The following TRPS1 variants were observed in gnomAD, a reference collection of about 807,000 sequenced individuals.
The protein encoded by TRPS1 is zinc finger transcription factor Trps1.
Under a neutral mutation model 101.2 loss-of-function variants are expected in TRPS1, and 6 were observed. The observed-to-expected ratio is 0.06, with a 90% CI of 0.03 to 0.12. TRPS1 has a LOEUF of 0.12. Ranked by LOEUF, TRPS1 falls within the 10% of genes least tolerant of loss-of-function variation. The pLI, the probability that TRPS1 is intolerant of heterozygous loss-of-function variation, is 1.00. For missense variants in TRPS1, 1,363 were observed against 1,567.0 expected (o/e 0.87, Z 2.20); for synonymous variants, 578 against 589.8 (o/e 0.98, Z 0.29).
chr8:115,468,961 TA>T (rs1814395523), intron 5 of TRPS1, among the ~76,000 whole-genome samples: 1 of 151,892 alleles, frequency 6.6e-6, no homozygotes, highest in Admixed American at 6.6e-5. Context: ...GCAACATAGA[TA>T]AACCCCTGTC....
At chr8:115,641,210 T>C (rs1034343094) in intron 1 of TRPS1, among the ~76,000 whole-genome samples, 12 of 152,242 alleles carry the variant, frequency 7.9e-5, no homozygotes, top group Admixed American at 7.2e-4. Flanking sequence ...TGGGAATTGC[T>C]CTTTTCCTGC....
intron 1 of TRPS1, among the ~76,000 whole-genome samples, chr8:115,633,965 T>C (rs1469608749): frequency 6.6e-6 from 1 of 152,160 alleles, no homozygotes; most frequent in Non-Finnish European, 1.5e-5. Flanking sequence ...GACTTTGGCT[T>C]CTAGTATCAA....
rs1443046747 is a variant in TRPS1 at position 115,587,143 on chromosome 8, C to G, written c.2558G>C (p.Arg853Pro). Residue 853 changes from arginine to proline, a missense_variant, in exon 5 of 7, where the codon CGA becomes CCA. By Grantham distance (103) the Arg-to-Pro change is moderately radical. This residue lies in a region of TRPS1 where 1,020 missense variants were observed against 1,073.0 expected (regional missense o/e 0.95). Coordinates refer to ENST00000395715, the MANE Select transcript of TRPS1 (RefSeq NM_014112.5). ...SPNVEAAHLA[R>P]PIYGLAVETK... ...TTCCACAGCCAAGCCATAAATAGGT[C>G]GCGCCAGATGGGCGGCCTCCACATT... is the stretch of plus-strand genomic sequence containing the variant. The G allele has an allele frequency of 1.9e-6, 3 of 1,613,994 alleles. No individual in the cohort carries two copies. Among genetic ancestry groups the G allele is most frequent in the Admixed American group, 3.3e-5 (2 of 60,000 alleles).
rs1047205843 is a variant in TRPS1, at chr8:115,418,237, C to T, written c.2823+93G>A. On this transcript the variant is annotated intron_variant, in intron 6 of 6. Coordinates refer to ENST00000395715, the MANE Select transcript of TRPS1 (RefSeq NM_014112.5). This position sits in a 1 kb window ranked among gnomAD's most constrained non-coding sequence, Gnocchi z 4.3. The stretch of plus-strand genomic sequence containing the variant: ...ATTAAAACAACCCTGCGGGGGCAGG[C>T]ACTGCAAGCCAGGGAATGGGACTTA... The T allele has an allele frequency of 2.5e-6, 4 of 1,606,616 alleles. No homozygotes were observed. In the African/African-American group the frequency reaches 4.0e-5, roughly 16 times the overall value.
chr8:115,597,001 C>T (rs1408838908), intron 4 of TRPS1, among the ~76,000 whole-genome samples: 1 of 151,874 alleles, frequency 6.6e-6, no homozygotes, highest in Non-Finnish European at 1.5e-5. Flanking sequence ...AAACATTCCA[C>T]TGCTTGAAAA....
intron 5 of TRPS1, among the ~76,000 whole-genome samples, chr8:115,440,184 A>G (rs1163083641): frequency 3.3e-5 from 5 of 152,332 alleles, no homozygotes; most frequent in Admixed American, 2.6e-4. Context: ...CGATTTCTTA[A>G]ATTTTTACGT....
intron 5 of TRPS1, among the ~76,000 whole-genome samples, chr8:115,582,981 C>T (rs2130432474): frequency 6.6e-6 from 1 of 152,160 alleles, no homozygotes; most frequent in Middle Eastern, 3.4e-3. Context: ...ATGAGCTCCC[C>T]CTAAAGACTC....
chr8:115,522,168 G>T (rs1184146220), intron 5 of TRPS1, among the ~76,000 whole-genome samples: 1 of 151,926 alleles, frequency 6.6e-6, no homozygotes, highest in African/African-American at 2.4e-5. Flanking sequence ...TCACCAACCT[G>T]TTAGAATTAT....
At chr8:115,425,100 C>A (rs1813156071) in intron 5 of TRPS1, among the ~76,000 whole-genome samples, 1 of 152,298 alleles carries the variant, frequency 6.6e-6, no homozygotes, top group Non-Finnish European at 1.5e-5. Flanking sequence ...TAGCCAGACT[C>A]TTACCAGGAG....
intron 5 of TRPS1, among the ~76,000 whole-genome samples, chr8:115,543,214 C>T (rs1331973007): frequency 6.6e-6 from 1 of 152,148 alleles, no homozygotes; most frequent in Non-Finnish European, 1.5e-5. Flanking sequence ...GGGAAGCAGG[C>T]ATGGTCTTAT....
At chr8:115,517,782 A>G (rs887880558) in intron 5 of TRPS1, among the ~76,000 whole-genome samples, 3 of 151,746 alleles carry the variant, frequency 2.0e-5, no homozygotes, top group Non-Finnish European at 3.0e-5. Flanking sequence ...CATCAATCTC[A>G]AACCTTTGTC....
chr8:115,462,401 G>A (rs1177083187), intron 5 of TRPS1, among the ~76,000 whole-genome samples: 1 of 152,110 alleles, frequency 6.6e-6, no homozygotes, highest in Non-Finnish European at 1.5e-5. Context: ...TTGTGACCCT[G>A]GGCAATCCAG....
At chr8:115,537,338 T>C (rs534688696) in intron 5 of TRPS1, among the ~76,000 whole-genome samples, 1 of 152,320 alleles carries the variant, frequency 6.6e-6, no homozygotes, top group Non-Finnish European at 1.5e-5. Flanking sequence ...AAATTATACA[T>C]GTAAATGTTT....
Position 115,561,472 on chromosome 8 carries a change from T to G in TRPS1, c.2700+25529A>C, listed in dbSNP as rs1816943969. ...TCTCTCAACTTCCTTAATCTTGTGT[T>G]TTTTTTTTTCTCTTAATTAGTTTGG... On this transcript the variant is annotated intron_variant, in intron 5 of 6. Transcript: ENST00000395715. Among the ~76,000 whole-genome samples, 3 of 140,702 alleles carry G rather than the reference T, an allele frequency of 2.1e-5. No individual in the cohort carries two copies. The South Asian group carries it at 6.3e-4, about 30-fold the overall frequency. 92.3% of individuals were successfully genotyped at this position (140,702 alleles called of 152,430 possible). A position where few individuals can be genotyped will look rare whatever the true frequency, so the allele number is the denominator to read the frequency against.
intron 5 of TRPS1, among the ~76,000 whole-genome samples, chr8:115,475,965 A>T (rs1466329660): frequency 1.3e-5 from 2 of 152,058 alleles, no homozygotes; most frequent in African/African-American, 4.8e-5. Context: ...CAAATATACA[A>T]CATGCTTTAC....
At chr8:115,434,405 T>A (rs1410152351) in intron 5 of TRPS1, among the ~76,000 whole-genome samples, 1 of 152,182 alleles carries the variant, frequency 6.6e-6, no homozygotes, top group African/African-American at 2.4e-5. Context: ...TGTAACATAA[T>A]CCCTGAATAT....
chr8:115,436,280 T>G (rs1355234586), intron 5 of TRPS1, among the ~76,000 whole-genome samples: 1 of 152,062 alleles, frequency 6.6e-6, no homozygotes, highest in Non-Finnish European at 1.5e-5. Context: ...TTTTTCTTCC[T>G]CTGGAGTATG....
At chr8:115,501,583 G>A (rs1373234160) in intron 5 of TRPS1, among the ~76,000 whole-genome samples, 6 of 152,160 alleles carry the variant, frequency 3.9e-5, no homozygotes, top group Admixed American at 1.3e-4. Flanking sequence ...AATATGTGAA[G>A]TTCAAAGTGC....
At chr8:115,579,443 A>G (rs1817393505) in intron 5 of TRPS1, among the ~76,000 whole-genome samples, 1 of 152,124 alleles carries the variant, frequency 6.6e-6, no homozygotes, top group Admixed American at 6.6e-5. Flanking sequence ...TCAGTCTTGT[A>G]TAAAAATTTA....
Sources: allele counts gnomAD v4.1 joint callset (sites outside exome capture counted in the v4.1 genomes callset), GRCh38; gene constraint gnomAD v4.1.1; regional missense constraint gnomAD v4.1.1; non-coding constraint Gnocchi (gnomAD v3.1); transcripts MANE v1.5; gene names NCBI Gene and HGNC (gene_info 2026-07-23, HGNC 2026-07-21).